ZDHHC7: variants seen among roughly 807,000 people sequenced by gnomAD.
The protein encoded by ZDHHC7 is palmitoyltransferase ZDHHC7.
A neutral mutation model predicts 34.1 loss-of-function variants in ZDHHC7; 12 were observed. The ratio of observed to expected loss-of-function variants is 0.35; its 90% CI spans 0.23 to 0.57. The LOEUF (loss-of-function observed/expected upper bound fraction) is 0.57. Among genes scored for constraint, ZDHHC7 ranks in the 20% least tolerant of loss-of-function variants. The pLI is 0.84. For missense variants in ZDHHC7, 388 were observed against 402.7 expected, an observed-to-expected ratio of 0.96 and a Z score of 0.31; for synonymous variants, 185 against 155.4, an observed-to-expected ratio of 1.19 and a Z score of -1.42.
intron 1 of ZDHHC7, among the ~76,000 whole-genome samples, chr16:85,007,254 T>C (rs2072729628): frequency 6.6e-6 from 1 of 150,620 alleles, no homozygotes; most frequent in African/African-American, 2.5e-5. Flanking sequence ...TAAAAACCCG[T>C]CTCTACAAAA....
the ZDHHC7 span, among the ~76,000 whole-genome samples, chr16:85,020,700 A>G: frequency 1.3e-4 from 20 of 152,106 alleles, no homozygotes; most frequent in Admixed American, 1.3e-3. Flanking sequence ...ACCACACAGA[A>G]AGCTTGGAAG....
chr16:84,987,905 G>A (rs973463475), intron 3 of ZDHHC7, among the ~76,000 whole-genome samples: 3 of 152,226 alleles, frequency 2.0e-5, no homozygotes, highest in African/African-American at 4.8e-5. Flanking sequence ...AGTGGCTCAC[G>A]CCTGTAATCA....
intron 2 of ZDHHC7, among the ~76,000 whole-genome samples, chr16:84,992,521 C>T (rs2072524499): frequency 6.6e-6 from 1 of 152,154 alleles, no homozygotes; most frequent in Non-Finnish European, 1.5e-5. Flanking sequence ...GTTTTGACTG[C>T]TTCTTTGATT....
chr16:84,998,809 A>G (rs540289708), intron 1 of ZDHHC7, among the ~76,000 whole-genome samples: 72 of 137,916 alleles, frequency 5.2e-4, no homozygotes, highest in African/African-American at 1.9e-3. Flanking sequence ...GCTGGAGTGC[A>G]GTGGCGCGAT....
intron 1 of ZDHHC7, among the ~76,000 whole-genome samples, chr16:85,007,975 C>A (rs752295209): frequency 3.3e-5 from 5 of 151,904 alleles, no homozygotes; most frequent in African/African-American, 4.9e-5. Context: ...ATAAGCCGGA[C>A]AGGGTGGCGT....
At chr16:84,985,048 G>GT (rs1046375747) in intron 3 of ZDHHC7, among the ~76,000 whole-genome samples, 5 of 151,156 alleles carry the variant, frequency 3.3e-5, no homozygotes, top group African/African-American at 1.2e-4. Context: ...TTTTCGGGAC[G>GT]TTTTTTTCTA....
intron 1 of ZDHHC7, among the ~76,000 whole-genome samples, chr16:85,001,712 C>T (rs921844001): frequency 6.6e-6 from 1 of 152,132 alleles, no homozygotes. Flanking sequence ...CAACAGCCAC[C>T]AGCACACCTA....
intron 3 of ZDHHC7, among the ~76,000 whole-genome samples, chr16:84,983,916 C>T (rs1404075235): frequency 6.7e-6 from 1 of 149,504 alleles, no homozygotes; most frequent in Non-Finnish European, 1.5e-5. Flanking sequence ...GCAGAGCACC[C>T]GGGAGGTGGA....
rs1055962725 is a variant in ZDHHC7 at position 84,988,701 on chromosome 16, A to G, written c.315+1603T>C. ...GCAAGTGCGCTTGTCAGCAAAGAGG[A>G]GCAAACTGCTGAGGACTCCCAGCCA... On this transcript the variant is annotated intron_variant, in intron 3 of 7. Transcript: ENST00000313732. 3 of 1,439,534 alleles carry G rather than the reference A, an allele frequency of 2.1e-6. No homozygotes were observed. In the African/African-American group the frequency reaches 4.2e-5, roughly 20 times the overall value. 89.2% of individuals were successfully genotyped at this position (1,439,534 alleles called of 1,614,324 possible).
At chr16:84,980,314 C>T (rs967558509) in intron 4 of ZDHHC7, among the ~76,000 whole-genome samples, 4 of 152,042 alleles carry the variant, frequency 2.6e-5, no homozygotes, top group Non-Finnish European at 5.9e-5. Flanking sequence ...TGCCCGACCT[C>T]CACAGCACCT....
chr16:84,998,749 C>CTTTTTT (rs71151260), intron 1 of ZDHHC7, among the ~76,000 whole-genome samples: 5 of 112,542 alleles, frequency 4.4e-5, no homozygotes, highest in Non-Finnish European at 5.3e-5. Context: ...CCTTCTGAAC[C>CTTTTTT]TTTTTTTTTT....
intron 1 of ZDHHC7, among the ~76,000 whole-genome samples, chr16:85,003,051 G>A (rs1392110195): frequency 6.6e-6 from 1 of 152,152 alleles, no homozygotes; most frequent in East Asian, 1.9e-4. Flanking sequence ...CTTACCCAGG[G>A]CTGGAGATTA....
At chr16:85,017,856 C>T in the ZDHHC7 span, among the ~76,000 whole-genome samples, 3 of 152,134 alleles carry the variant, frequency 2.0e-5, no homozygotes. Context: ...TCAAAAGTCA[C>T]GTGTAAGGGG....
chr16:84,998,268 A>AC (rs2143695924), intron 1 of ZDHHC7, among the ~76,000 whole-genome samples: 1 of 151,810 alleles, frequency 6.6e-6, no homozygotes, highest in East Asian at 1.9e-4. Context: ...TCTCAAAAAA[A>AC]AAAAAAAAAA....
chr16:84,998,261 C>CAA (rs537445063), intron 1 of ZDHHC7, among the ~76,000 whole-genome samples: 16 of 100,492 alleles, frequency 1.6e-4, no homozygotes, highest in South Asian at 3.0e-4. Context: ...GAGACTGTCT[C>CAA]AAAAAAAAAA....
In ZDHHC7 at chr16:84,976,348, C is replaced by A. The variant is rs202108766; in HGVS notation, c.922G>T (p.Val308Leu). 21 of 1,613,928 alleles carry A rather than the reference C, an allele frequency of 1.3e-5. No homozygotes were observed. The Admixed American group carries it at 2.3e-4, about 18-fold the overall frequency. Residue 308 changes from valine to leucine, a missense_variant, in exon 8 of 8, where the codon GTG becomes TTG. Val to Leu is a conservative substitution (Grantham distance 32, BLOSUM62 1). Coordinates refer to ENST00000313732, the MANE Select transcript of ZDHHC7 (RefSeq NM_017740.3). ...TCAGTCTGATGAGCCACGCCTCACA[C>A]TGAGAACTCCGGGCCACCTTTTCTG... ...RPRKGGPEFSV is the reference protein window; with the variant it reads ...RPRKGGPEFSL
chr16:84,997,368 A>T (rs1156353592), intron 1 of ZDHHC7, among the ~76,000 whole-genome samples: 1 of 144,636 alleles, frequency 6.9e-6, no homozygotes, highest in Non-Finnish European at 1.5e-5. Flanking sequence ...TCCCGGGTTC[A>T]CGCCATTCTC....
chr16:84,983,041 G>C (rs191931133), intron 3 of ZDHHC7, among the ~76,000 whole-genome samples: 41 of 152,338 alleles, frequency 2.7e-4, no homozygotes, highest in African/African-American at 9.6e-4. Flanking sequence ...GGGAGCTGTG[G>C]CAGGGTGGAA....
rs2072495017 is a variant in ZDHHC7, at chr16:84,990,492, G to A, written c.127C>T (p.Arg43Cys). Residue 43 changes from arginine to cysteine, a missense_variant, in exon 3 of 8, where the codon CGT becomes TGT. Arg to Cys is a radical substitution (Grantham distance 180). Coordinates refer to ENST00000313732, the MANE Select transcript of ZDHHC7 (RefSeq NM_017740.3). ...ADVADRVWFI[R>C]DGCGMICAVM... The stretch of plus-strand genomic sequence containing the variant: ...GCACAGATCATGCCGCAGCCGTCAC[G>A]GATGAACCAGACCCGGTCAGCCACG... 2.5e-6 allele frequency: 4 copies of A among 1,614,132 alleles called. No individual in the cohort carries two copies. The highest frequency in any genetic ancestry group is 3.4e-6 in the Non-Finnish European group (4 of 1,180,006).
Sources: gnomAD v4.1 joint callset for allele counts (sites outside exome capture counted in the v4.1 genomes callset) on GRCh38, gnomAD v4.1.1 for gene constraint, MANE v1.5 for transcripts, NCBI Gene and HGNC (gene_info 2026-07-23, HGNC 2026-07-21) for gene names.